DNAAF11: variants seen among roughly 807,000 people sequenced by gnomAD.
DNAAF11 encodes dynein axonemal assembly factor 11.
DNAAF11 carries 45 observed loss-of-function variants against 60.8 expected under a neutral mutation model. The observed-to-expected ratio is 0.74, with a 90% confidence interval of 0.58 to 0.95. The LOEUF is 0.95. DNAAF11 is among the 40% of genes least tolerant of loss of function. The pLI, the probability that DNAAF11 is intolerant of heterozygous loss-of-function variation, is 0.00. For synonymous variants in DNAAF11, 191 were observed against 183.5 expected, an observed-to-expected ratio of 1.04 and a Z score of -0.33; for missense variants, 546 against 546.2, an observed-to-expected ratio of 1.00 and a Z score of 0.00.
chr8:132,593,332 C>CATACATATAT (rs577618316), intron 10 of DNAAF11, among the ~76,000 whole-genome samples: 25 of 108,700 alleles, frequency 2.3e-4, no homozygotes, highest in Admixed American at 5.1e-4. Flanking sequence ...TATATACATA[C>CATACATATAT]ATATATATAT....
chr8:132,688,257 A>G, the DNAAF11 span, among the ~76,000 whole-genome samples: 3 of 152,174 alleles, frequency 2.0e-5, no homozygotes, highest in Non-Finnish European at 4.4e-5. Flanking sequence ...TTTAGATATT[A>G]CCCAACCCAG....
At chr8:132,594,436 T>A (rs1310795036) in intron 10 of DNAAF11, among the ~76,000 whole-genome samples, 4 of 152,106 alleles carry the variant, frequency 2.6e-5, no homozygotes, top group African/African-American at 7.2e-5. Context: ...AAAAGAAAAG[T>A]CCTTCTAAAA....
chr8:132,654,195 T>C (rs1823309531), intron 3 of DNAAF11, among the ~76,000 whole-genome samples: 1 of 151,966 alleles, frequency 6.6e-6, no homozygotes, highest in Non-Finnish European at 1.5e-5. Context: ...CATTTTATAA[T>C]AATAATAACA....
the DNAAF11 span, among the ~76,000 whole-genome samples, chr8:132,689,042 T>A: frequency 6.6e-6 from 1 of 152,328 alleles, no homozygotes; most frequent in Middle Eastern, 3.4e-3. Context: ...CAGAAATTGT[T>A]CTTTATTTTC....
chr8:132,674,593 A>G (rs1825592385), intron 1 of DNAAF11, among the ~76,000 whole-genome samples: 1 of 152,252 alleles, frequency 6.6e-6, no homozygotes, highest in Admixed American at 6.5e-5. Flanking sequence ...ATATTCTTAA[A>G]GAAACACGTT....
intron 10 of DNAAF11, among the ~76,000 whole-genome samples, chr8:132,601,924 T>A (rs1223928260): frequency 6.6e-6 from 1 of 151,906 alleles, no homozygotes; most frequent in East Asian, 1.9e-4. Context: ...AGTATAATAA[T>A]AATAATAATA....
intron 10 of DNAAF11, among the ~76,000 whole-genome samples, chr8:132,590,237 C>T (rs764757751): frequency 3.3e-5 from 5 of 152,178 alleles, no homozygotes; most frequent in South Asian, 4.1e-4. Flanking sequence ...AAGAACCGTA[C>T]GTGCTTTCAC....
intron 1 of DNAAF11, among the ~76,000 whole-genome samples, chr8:132,675,060 T>C (rs1825654972): frequency 6.6e-6 from 1 of 152,120 alleles, no homozygotes; most frequent in Non-Finnish European, 1.5e-5. Flanking sequence ...CCCTCCACCA[T>C]TAGGCTACAC....
At chr8:132,661,403 A>G (rs1824116195) in intron 2 of DNAAF11, 57 bp downstream of exon 2, 1 of 1,418,878 alleles carries the variant, frequency 7.0e-7, no homozygotes, top group Admixed American at 2.2e-5. Flanking sequence ...AGCACTTTCC[A>G]AAGTTCTCTC....
At position 132,634,505 on chromosome 8, in the gene DNAAF11, C is replaced by A. The variant is rs79244080; in HGVS notation, c.430-1542G>T. On this transcript the variant is annotated intron_variant, in intron 4 of 11. Transcript: ENST00000620350. The stretch of plus-strand genomic sequence containing the variant: ...TAATGATAAATTCAATGCAATAAAA[C>A]CTATTATTTAAGGCATTAAGTAATT... Among the ~76,000 whole-genome samples the A allele has an allele frequency of 4.1e-3, 625 of 152,016 alleles. 10 individuals are homozygous for A. Among genetic ancestry groups the A allele is most frequent in the African/African-American group, 0.014 (589 of 41,470 alleles).
chr8:132,675,252 G>A, intron 1 of DNAAF11: 1 of 449,788 alleles, frequency 2.2e-6, no homozygotes, highest in Non-Finnish European at 4.0e-6. Context: ...CCACGGCCCC[G>A]CCCATTTTAC....
chr8:132,682,687 T>C, the DNAAF11 span, among the ~76,000 whole-genome samples: 1 of 152,248 alleles, frequency 6.6e-6, no homozygotes, highest in Non-Finnish European at 1.5e-5. Context: ...GTGTCTTAGT[T>C]ATTTTGTGTT....
chr8:132,675,398 CG>C, intron 1 of DNAAF11, 85 bp downstream of exon 1: 1 of 1,436,150 alleles, frequency 7.0e-7, no homozygotes, highest in Non-Finnish European at 9.5e-7. Context: ...CAGCGCAGGG[CG>C]GGAGCGGGCG....
At chr8:132,682,754 T>C in the DNAAF11 span, among the ~76,000 whole-genome samples, 1 of 152,240 alleles carries the variant, frequency 6.6e-6, no homozygotes, top group Non-Finnish European at 1.5e-5. Context: ...CTTATTTGGT[T>C]CATGATTCTG....
intron 3 of DNAAF11, chr8:132,643,359 T>C (rs1822047801): frequency 4.3e-6 from 1 of 231,890 alleles, no homozygotes; most frequent in East Asian, 9.6e-5. Flanking sequence ...AGCAGAGGTG[T>C]AGCCCAGGAC....
In DNAAF11 at chr8:132,632,865, G is replaced by C; in HGVS notation, c.528C>G (p.His176Gln). The C allele has an allele frequency of 1.2e-6, 2 of 1,613,716 alleles. No homozygotes were observed. The highest frequency in any genetic ancestry group is 1.7e-6 in the Non-Finnish European group (2 of 1,179,714). Reference sequence around the variant, plus strand: ...CCTTGAGTTTGGCTCGTTTAAGACAGTGATCTTTTTCCTGCTCTCTGATTT... The same window carrying C: ...CCTTGAGTTTGGCTCGTTTAAGACACTGATCTTTTTCCTGCTCTCTGATTT... ...EPQIREQEKD[H>Q]CLKRAKLKEE... The change falls in exon 5 of 12, where the codon CAC becomes CAG. Residue 176 changes from histidine to glutamine, a missense_variant. Transcript: ENST00000620350.
chr8:132,607,679 T>C (rs1818263282), intron 10 of DNAAF11, among the ~76,000 whole-genome samples: 1 of 152,228 alleles, frequency 6.6e-6, no homozygotes, highest in Non-Finnish European at 1.5e-5. Context: ...ATATTCCATA[T>C]ATAAATGACA....
At chr8:132,637,372 G>A (rs1316781686) in intron 4 of DNAAF11, among the ~76,000 whole-genome samples, 4 of 152,154 alleles carry the variant, frequency 2.6e-5, no homozygotes, top group Admixed American at 1.3e-4. Flanking sequence ...TTGGGAGGCC[G>A]AGGCAGGTGG....
rs1814087555 is a variant in DNAAF11, at chr8:132,570,576, C to T, written c.*1730G>A. Among the ~76,000 whole-genome samples, 1 of 152,166 alleles carries T rather than the reference C, an allele frequency of 6.6e-6. No homozygotes were observed. Among genetic ancestry groups the T allele is most frequent in the Non-Finnish European group, 1.5e-5 (1 of 68,022 alleles). ...GTTGGATTATGATATGTCAAGTTGG[C>T]TAAGGCTGGGAGCTGTTTTCCAGAA... On this transcript the variant is annotated 3_prime_UTR_variant, in exon 12 of 12. Coordinates refer to ENST00000620350, the MANE Select transcript of DNAAF11 (RefSeq NM_012472.6).
Sources: allele counts gnomAD v4.1 joint callset (sites outside exome capture counted in the v4.1 genomes callset), GRCh38; gene constraint gnomAD v4.1.1; transcripts MANE v1.5; gene names NCBI Gene and HGNC (gene_info 2026-07-23, HGNC 2026-07-21).